SLC25A10: variants seen among roughly 807,000 people sequenced by gnomAD.
SLC25A10 encodes the protein solute carrier family 25 member 10.
In SLC25A10, 32 loss-of-function variants were observed where a neutral mutation model predicts 40.4. That is an observed-to-expected ratio of 0.79 (90% confidence interval 0.60 to 1.06). The LOEUF (loss-of-function observed/expected upper bound fraction) is 1.06, where lower values mean the gene tolerates loss of function less well. Ranked by LOEUF, SLC25A10 falls within the 50% of genes least tolerant of loss-of-function variation. The pLI is 0.00. For missense variants in SLC25A10, 394 were observed against 402.6 expected, an observed-to-expected ratio of 0.98 and a Z score of 0.18; for synonymous variants, 181 against 171.1, an observed-to-expected ratio of 1.06 and a Z score of -0.45.
At chr17:81,717,293 C>A in intron 7 of SLC25A10, 106 bp from the exon 8 acceptor site, 1 of 1,189,234 alleles carries the variant, frequency 8.4e-7, no homozygotes, top group Non-Finnish European at 1.2e-6. Context: ...GACGGACAGA[C>A]GGAGCAGGTG....
chr17:81,716,912 C>T (rs1240640692), intron 6 of SLC25A10, 57 bp downstream of exon 6: 118 of 1,603,998 alleles, frequency 7.4e-5, no homozygotes, highest in Non-Finnish European at 7.7e-5. Flanking sequence ...GGGTGGGCAG[C>T]GCTGTAGAAG....
chr17:81,715,485 A>G lies in SLC25A10; in HGVS notation c.221A>G (p.Tyr74Cys). 2.5e-6 allele frequency: 4 copies of G among 1,610,870 alleles called. No homozygotes were observed. The highest frequency in any genetic ancestry group is 3.4e-6 in the Non-Finnish European group (4 of 1,179,206). ...CAGGCCCTTCTCCCCCAGATGACCT[A>G]CTCCCTGACTCGGTTCGCCATCTAC... ...LSASLCRQMT[Y>C]SLTRFAIYET... The change falls in exon 3 of 11, where the codon TAC (tyrosine) becomes TGC (cysteine). Residue 74 changes from tyrosine (Y) to cysteine (C), a missense_variant. By Grantham distance (194) the Tyr-to-Cys change is radical. Coordinates refer to ENST00000350690, the MANE Select transcript of SLC25A10 (RefSeq NM_012140.5).
intron 1 of SLC25A10, among the ~76,000 whole-genome samples, chr17:81,714,099 C>T (rs923195206): frequency 6.6e-6 from 1 of 152,222 alleles, no homozygotes; most frequent in Non-Finnish European, 1.5e-5. Flanking sequence ...ATGGGAGGCC[C>T]CTCTCTGTCC....
At chr17:81,716,656 G>A (rs780724027) in intron 5 of SLC25A10, 156 bp from the exon 6 acceptor site, 16 of 727,146 alleles carry the variant, frequency 2.2e-5, no homozygotes, top group East Asian at 1.9e-4. Flanking sequence ...GCTGTGGGAC[G>A]TCAGGACCAG....
In SLC25A10 at chr17:81,720,110, G is replaced by C; in HGVS notation, c.*33G>C. 6.2e-7 allele frequency: 1 copy of C among 1,610,006 alleles called. No homozygotes were observed. Among genetic ancestry groups the C allele is most frequent in the Non-Finnish European group, 8.5e-7 (1 of 1,179,850 alleles). On this transcript the variant is annotated 3_prime_UTR_variant, in exon 11 of 11. Coordinates refer to ENST00000350690, the MANE Select transcript of SLC25A10 (RefSeq NM_012140.5). ...TGGGAATGGCTGGGCTGCCAGGCCA[G>C]ACACGCTAGGTTCTTCCAAAGAGTC...
Position 81,715,523 on chromosome 17 carries a change from G to C in SLC25A10, c.259G>C (p.Asp87His). The C allele has an allele frequency of 6.2e-7, 1 of 1,612,916 alleles. No individual in the cohort carries two copies. Among genetic ancestry groups the C allele is most frequent in the Non-Finnish European group, 8.5e-7 (1 of 1,179,866 alleles). The change falls in exon 3 of 11, where the codon GAC becomes CAC. Residue 87 changes from aspartate (D) to histidine (H), a missense_variant. Transcript: ENST00000350690. The stretch of plus-strand genomic sequence containing the variant: ...GTTCGCCATCTACGAGACTGTGCGG[G>C]ACCGTGTGGCCAAGGGCAGCCAGGG... The part of the protein sequence containing the change: ...TRFAIYETVR[D>H]RVAKGSQGPL...
Position 81,715,097 on chromosome 17 carries a change from G to A in SLC25A10, c.213+25G>A, listed in dbSNP as rs749157733. The A allele has an allele frequency of 1.9e-5, 30 of 1,605,106 alleles. 1 individual carries two copies. In the South Asian group the frequency reaches 3.0e-4, roughly 16 times the overall value. On this transcript the variant is annotated intron_variant, in intron 2 of 10. Transcript: ENST00000350690. ...GGTGCGTGGTGTGTGCCAGCCTTGG[G>A]CTCCCAGACTGGGGCTGAGTCCTGC...
chr17:81,716,334 C>T (rs1427788227), intron 5 of SLC25A10, among the ~76,000 whole-genome samples: 1 of 152,190 alleles, frequency 6.6e-6, no homozygotes, highest in African/African-American at 2.4e-5. Flanking sequence ...ATGGAGAGAG[C>T]GCATGCAACA....
chr17:81,712,409 A>G lies in SLC25A10; in HGVS notation c.-18A>G, dbSNP rs2095783387. On this transcript the variant is annotated 5_prime_UTR_variant, in exon 1 of 11. Transcript: ENST00000350690. The stretch of plus-strand genomic sequence containing the variant: ...GGGGTCGGGTTGTGGTCGGGCCGGG[A>G]TTGGGCTCTCCTGGGCCATGGCAGC... The G allele has an allele frequency of 7.8e-7, 1 of 1,273,890 alleles. No homozygotes were observed. Among genetic ancestry groups the G allele is most frequent in the Non-Finnish European group, 9.9e-7 (1 of 1,009,712 alleles). The allele number at this position is 1,273,890 out of a possible 1,614,324, so 78.9% of individuals were successfully genotyped here.
At chr17:81,715,434 T>G in intron 2 of SLC25A10, 44 bp from the exon 3 acceptor site, 1 of 1,520,650 alleles carries the variant, frequency 6.6e-7, no homozygotes, top group Non-Finnish European at 9.1e-7. Flanking sequence ...GGCTGAGGGG[T>G]GTGGGGCGTG....
chr17:81,717,408 T>C lies in SLC25A10; in HGVS notation c.544T>C (p.Tyr182His). The change falls in exon 8 of 11, where the codon TAC becomes CAC. Residue 182 changes from tyrosine to histidine, a missense_variant. Coordinates refer to ENST00000350690, the MANE Select transcript of SLC25A10 (RefSeq NM_012140.5). ...CCTTGTGCCCCTGCAGCTGTCCTGC[T>C]ACGACCAGGCCAAGCAGCTGGTCCT... ...ALVTVGQLSC[Y>H]DQAKQLVLST... is the part of the protein sequence containing the mutation. 6.2e-7 allele frequency: 1 copy of C among 1,613,436 alleles called. No individual in the cohort carries two copies. Among genetic ancestry groups the C allele is most frequent in the Non-Finnish European group, 8.5e-7 (1 of 1,179,906 alleles).
intron 7 of SLC25A10, 75 bp downstream of exon 7, chr17:81,717,147 CA>C: frequency 6.6e-7 from 1 of 1,523,376 alleles, no homozygotes; most frequent in South Asian, 1.1e-5. Flanking sequence ...GGCCATAGAA[CA>C]AGGCACTGGG....
chr17:81,715,371 G>A (rs1474082160), intron 2 of SLC25A10, 107 bp from the exon 3 acceptor site: 1 of 1,006,256 alleles, frequency 9.9e-7, no homozygotes, highest in Non-Finnish European at 1.5e-6. Context: ...GGCCCCTCAG[G>A]GTCCCTGTGG....
intron 9 of SLC25A10, among the ~76,000 whole-genome samples, chr17:81,718,283 A>G (rs545904082): frequency 1.9e-4 from 29 of 152,240 alleles, no homozygotes; most frequent in African/African-American, 6.7e-4. Flanking sequence ...CAGGAGTTCA[A>G]GACCAGCCTG....
At chr17:81,717,131 C>T (rs1456670607) in intron 7 of SLC25A10, 59 bp downstream of exon 7, 2 of 1,556,794 alleles carry the variant, frequency 1.3e-6, no homozygotes, top group African/African-American at 1.4e-5. Flanking sequence ...CCTCCATCTT[C>T]AGAGGGGCCA....
At chr17:81,713,959 C>T (rs776968652) in intron 1 of SLC25A10, among the ~76,000 whole-genome samples, 2 of 152,214 alleles carry the variant, frequency 1.3e-5, no homozygotes, top group Admixed American at 6.5e-5. Flanking sequence ...TCTGCCTGGC[C>T]GTCGGAAAGA....
In SLC25A10 at chr17:81,715,790, C is replaced by T. The variant is rs1484167609; in HGVS notation, c.377+49C>T. On this transcript the variant is annotated intron_variant, in intron 4 of 10. Transcript: ENST00000350690. ...GCAAGGCCAGGGGCTTTCTTGTCCC[C>T]AGACATGCCAGGGCCTGCCAGGGCT... 9 of 1,607,668 alleles carry T rather than the reference C, an allele frequency of 5.6e-6. No homozygotes were observed. The African/African-American group carries it at 9.4e-5, about 17-fold the overall frequency.
Position 81,720,496 on chromosome 17 carries a change from C to T in SLC25A10, c.*419C>T. The T allele has an allele frequency of 7.6e-7, 1 of 1,319,038 alleles. No homozygotes were observed. The highest frequency in any genetic ancestry group is 9.6e-7 in the Non-Finnish European group (1 of 1,039,650). 81.7% of individuals were successfully genotyped at this position (1,319,038 alleles called of 1,614,324 possible). On this transcript the variant is annotated 3_prime_UTR_variant, in exon 11 of 11. Transcript: ENST00000350690. Reference sequence around the variant, plus strand: ...GTGGCAGAGTGTGGGTGCAGCCTGGCTGTTGCTCACCCAAGTGCTAGCTCT... The same window carrying T: ...GTGGCAGAGTGTGGGTGCAGCCTGGTTGTTGCTCACCCAAGTGCTAGCTCT...
chr17:81,720,385 C>T lies in SLC25A10; in HGVS notation c.*308C>T. The T allele has an allele frequency of 7.1e-7, 1 of 1,406,444 alleles. No individual in the cohort carries two copies. The highest frequency in any genetic ancestry group is 9.2e-7 in the Non-Finnish European group (1 of 1,086,712). 87.1% of individuals were successfully genotyped at this position (1,406,444 alleles called of 1,614,324 possible). On this transcript the variant is annotated 3_prime_UTR_variant, in exon 11 of 11. Coordinates refer to ENST00000350690, the MANE Select transcript of SLC25A10 (RefSeq NM_012140.5). The stretch of plus-strand genomic sequence containing the variant: ...TACCAGAGGCTGATTTCTCCCCTCT[C>T]CTGGGCCAGGGGAGGGGTATTATCC...
Sources: allele counts gnomAD v4.1 joint callset (sites outside exome capture counted in the v4.1 genomes callset), GRCh38; gene constraint gnomAD v4.1.1; transcripts MANE v1.5; gene names NCBI Gene and HGNC (gene_info 2026-07-23, HGNC 2026-07-21).